Variants in DNAH6 observed in about 807,000 individuals in gnomAD.
DNAH6 encodes the protein axonemal beta dynein heavy chain 6.
Under a neutral mutation model 491.4 loss-of-function variants are expected in DNAH6, and 340 were observed. The ratio of observed to expected loss-of-function variants is 0.69; its 90% CI spans 0.63 to 0.76. The LOEUF (loss-of-function observed/expected upper bound fraction) is 0.76. DNAH6 is among the 30% of genes least tolerant of loss of function. The probability of loss-of-function intolerance (pLI) is 0.00; values close to 1 mark genes in which losing one functional copy is unlikely to be tolerated. For missense variants in DNAH6, 4,443 were observed against 4,972.2 expected (o/e 0.89, Z 3.20); for synonymous variants, 1,603 against 1,686.1 (o/e 0.95, Z 1.21).
At chr2:84,710,687 A>T (rs1251824050) in intron 56 of DNAH6, among the ~76,000 whole-genome samples, 2 of 152,184 alleles carry the variant, frequency 1.3e-5, no homozygotes, top group Non-Finnish European at 2.9e-5. Context: ...ATGGCCCTTG[A>T]TGGTGAGCTG....
chr2:84,606,844 A>G, intron 20 of DNAH6, 132 bp from the exon 21 acceptor site: 1 of 886,212 alleles, frequency 1.1e-6, no homozygotes, highest in East Asian at 2.7e-5. Context: ...ATGAGTAGGA[A>G]ACAGTAAGAG....
chr2:84,765,726 A>C (rs1395644375), intron 64 of DNAH6, among the ~76,000 whole-genome samples: 2 of 152,100 alleles, frequency 1.3e-5, no homozygotes, highest in African/African-American at 4.8e-5. Context: ...AAATTAATGC[A>C]AATACCTAAA....
rs879861128 is a variant in DNAH6 at position 84,616,291 on chromosome 2, C to T, written c.3476-595C>T. 2.0e-5 allele frequency among the ~76,000 whole-genome samples: 3 copies of T among 151,982 alleles called. No homozygotes were observed. In the East Asian group the frequency reaches 5.8e-4, roughly 29 times the overall value. On this transcript the variant is annotated intron_variant, in intron 22 of 76. Coordinates refer to ENST00000389394, the MANE Select transcript of DNAH6 (RefSeq NM_001370.2). ...CTGTCAGTGGAGTATTGAAGTCCCCCACTATTATTGTGTTGTTGTCTATCT... is the reference window on the plus strand; with the variant it reads ...CTGTCAGTGGAGTATTGAAGTCCCCTACTATTATTGTGTTGTTGTCTATCT...
In DNAH6 at chr2:84,796,450, A is replaced by G. The variant is rs1487160442; in HGVS notation, c.11359+25A>G. 68 of 1,480,580 alleles carry G rather than the reference A, an allele frequency of 4.6e-5. 2 individuals are homozygous for G. In the Admixed American group the frequency reaches 1.4e-3, roughly 30 times the overall value. The allele number at this position is 1,480,580 out of a possible 1,614,324, so 91.7% of individuals were successfully genotyped here. A position where few individuals can be genotyped will look rare whatever the true frequency, so the allele number is the denominator to read the frequency against. ...GGTGAATGACTTTTCAATATTACAG[A>G]AAAGGCCTTTCCCAAGAAGATGTTG... On this transcript the variant is annotated intron_variant, in intron 69 of 76. Coordinates refer to ENST00000389394, the MANE Select transcript of DNAH6 (RefSeq NM_001370.2).
At chr2:84,617,981 A>C (rs1687039785) in intron 23 of DNAH6, among the ~76,000 whole-genome samples, 1 of 152,022 alleles carries the variant, frequency 6.6e-6, no homozygotes, top group African/African-American at 2.4e-5. Context: ...CTATCTCCCC[A>C]TGAGTCAGCC....
chr2:84,632,493 C>A (rs2104456353), intron 29 of DNAH6, among the ~76,000 whole-genome samples: 1 of 152,294 alleles, frequency 6.6e-6, no homozygotes, highest in East Asian at 1.9e-4. Flanking sequence ...AGCAAAGAGT[C>A]TGTGTCACAG....
chr2:84,533,281 A>G (rs1385511154), intron 4 of DNAH6, among the ~76,000 whole-genome samples: 1 of 152,166 alleles, frequency 6.6e-6, no homozygotes, highest in East Asian at 1.9e-4. Flanking sequence ...CCATGGTCAT[A>G]CAGTGAAATA....
At chr2:84,601,098 T>C (rs1177200892) in intron 18 of DNAH6, among the ~76,000 whole-genome samples, 2 of 148,460 alleles carry the variant, frequency 1.3e-5, no homozygotes, top group Non-Finnish European at 3.0e-5. Flanking sequence ...GCTGATTATA[T>C]GGATGAGTCA....
At chr2:84,650,273 G>A (rs1378921387) in intron 33 of DNAH6, among the ~76,000 whole-genome samples, 1 of 152,024 alleles carries the variant, frequency 6.6e-6, no homozygotes, top group African/African-American at 2.4e-5. Flanking sequence ...AGACTCCAGT[G>A]ACACAAATAT....
At chr2:84,505,843 A>T in the DNAH6 span, among the ~76,000 whole-genome samples, 2 of 152,142 alleles carry the variant, frequency 1.3e-5, no homozygotes, top group Non-Finnish European at 2.9e-5. Context: ...TTTGCTGAGA[A>T]TGATGGTTTC....
chr2:84,567,231 A>G (rs1681296547), intron 11 of DNAH6, among the ~76,000 whole-genome samples: 1 of 152,120 alleles, frequency 6.6e-6, no homozygotes, highest in African/African-American at 2.4e-5. Flanking sequence ...TTCCAATACT[A>G]GAGAGAGGGG....
chr2:84,604,611 C>CCCT, intron 19 of DNAH6, 60 bp downstream of exon 19: 3 of 1,299,078 alleles, frequency 2.3e-6, no homozygotes, highest in Non-Finnish European at 3.2e-6. Flanking sequence ...TTTTCAGATT[C>CCCT]AACATTTGGT....
At chr2:84,712,189 G>A (rs183730343) in intron 56 of DNAH6, among the ~76,000 whole-genome samples, 4 of 152,282 alleles carry the variant, frequency 2.6e-5, no homozygotes, top group Non-Finnish European at 5.9e-5. Flanking sequence ...AATCAGTTTA[G>A]ACCATCTCAA....
At chr2:84,682,230 C>T (rs1187789730) in intron 42 of DNAH6, among the ~76,000 whole-genome samples, 6 of 152,196 alleles carry the variant, frequency 3.9e-5, no homozygotes, top group East Asian at 1.9e-4. Context: ...CAGCTCTCAG[C>T]GGCACCTTAA....
intron 14 of DNAH6, among the ~76,000 whole-genome samples, chr2:84,580,790 C>T (rs1042819994): frequency 7.0e-6 from 1 of 143,276 alleles, no homozygotes; most frequent in African/African-American, 3.0e-5. Context: ...AAAGCTTAGG[C>T]CAAAATAGGG....
intron 4 of DNAH6, among the ~76,000 whole-genome samples, chr2:84,534,063 T>C (rs1478641746): frequency 2.6e-5 from 4 of 152,058 alleles, no homozygotes; most frequent in Non-Finnish European, 5.9e-5. Context: ...TTATGACATA[T>C]TTATTATTTT....
At chr2:84,617,075 TAGAG>T (rs1686927752) in intron 23 of DNAH6, 93 bp downstream of exon 23, 6 of 676,610 alleles carry the variant, frequency 8.9e-6, no homozygotes, top group Non-Finnish European at 1.2e-5. Flanking sequence ...ATGAAGGAAC[TAGAG>T]AGAGAAACAA....
At chr2:84,643,570 C>G (rs1258070694) in intron 33 of DNAH6, among the ~76,000 whole-genome samples, 1 of 152,084 alleles carries the variant, frequency 6.6e-6, no homozygotes, top group African/African-American at 2.4e-5. Context: ...AGTCTTTATT[C>G]TCTTTACTTT....
chr2:84,688,416 G>A, intron 44 of DNAH6, 23 bp from the exon 45 acceptor site: 1 of 1,470,414 alleles, frequency 6.8e-7, no homozygotes, highest in Non-Finnish European at 8.9e-7. Flanking sequence ...GATCCAACTT[G>A]GTTCTTCTCC....
Sources: allele counts gnomAD v4.1 joint callset (sites outside exome capture counted in the v4.1 genomes callset), GRCh38; gene constraint gnomAD v4.1.1; transcripts MANE v1.5; gene names NCBI Gene and HGNC (gene_info 2026-07-23, HGNC 2026-07-21).